Variants in TIAM2 observed in about 807,000 individuals in gnomAD.
TIAM2 encodes the protein TIAM Rac1 associated GEF 2.
TIAM2 carries 80 observed loss-of-function variants against 152.9 expected under a neutral mutation model. The observed-to-expected ratio is 0.52, with a 90% CI of 0.44 to 0.63. The LOEUF (loss-of-function observed/expected upper bound fraction) is 0.63, where lower values mean the gene tolerates loss of function less well. Among genes scored for constraint, TIAM2 ranks in the 30% least tolerant of loss-of-function variants. The probability of loss-of-function intolerance (pLI) is 0.00; values close to 1 mark genes in which losing one functional copy is unlikely to be tolerated. For missense variants in TIAM2, 1,965 were observed against 2,120.1 expected (o/e 0.93, Z 1.44); for synonymous variants, 804 against 838.0 (o/e 0.96, Z 0.70).
chr6:155,214,801 A>G lies in TIAM2; in HGVS notation c.3168+3494A>G, dbSNP rs899721474. Among the ~76,000 whole-genome samples the G allele has an allele frequency of 2.0e-5, 3 of 152,148 alleles. No homozygotes were observed. The highest frequency in any genetic ancestry group is 7.2e-5 in the African/African-American group (3 of 41,416). On this transcript the variant is annotated intron_variant, in intron 15 of 26. Transcript: ENST00000682666. This position sits in a 1 kb window ranked among gnomAD's most constrained non-coding sequence, Gnocchi z 5.4. ...GATAGCCTTGTCTTAAATTATTTTT[A>G]AATCTTATTTTAATAATACAATAGA...
chr6:155,026,606 C>G (rs1203610016), intron 1 of TIAM2, among the ~76,000 whole-genome samples: 1 of 152,224 alleles, frequency 6.6e-6, no homozygotes, highest in Non-Finnish European at 1.5e-5. Context: ...ACTGGCAGTC[C>G]TTGAGGGACT....
chr6:155,119,809 C>T (rs753292838), intron 2 of TIAM2, among the ~76,000 whole-genome samples: 1 of 152,090 alleles, frequency 6.6e-6, no homozygotes, highest in Non-Finnish European at 1.5e-5. Context: ...ACTTCACAAC[C>T]CAGTATATGG....
rs540378937 is a variant in TIAM2 at position 155,213,128 on chromosome 6, G to A, written c.3168+1821G>A. On this transcript the variant is annotated intron_variant, in intron 15 of 26. Transcript: ENST00000682666. The surrounding 1 kb of genome is among the most constrained non-coding windows in gnomAD (Gnocchi z 4.2). ...ACCTGTAATGTGGCGAGCAAGGGGC[G>A]TGTTTTGGCCCTGTTTGTGTTGTAG... Among the ~76,000 whole-genome samples the A allele has an allele frequency of 1.3e-5, 2 of 152,296 alleles. No homozygotes were observed. The highest frequency in any genetic ancestry group is 2.1e-4 in the South Asian group (1 of 4,824).
At chr6:155,121,755 A>G (rs1434681359) in intron 2 of TIAM2, among the ~76,000 whole-genome samples, 9 of 152,140 alleles carry the variant, frequency 5.9e-5, no homozygotes, top group Non-Finnish European at 2.9e-5. Flanking sequence ...GCCTGTTGGT[A>G]TCTCCTGGTA....
intron 7 of TIAM2, among the ~76,000 whole-genome samples, chr6:155,152,992 A>G (rs1274873066): frequency 6.6e-6 from 1 of 152,194 alleles, no homozygotes; most frequent in Non-Finnish European, 1.5e-5. Context: ...TTGAACATAA[A>G]CCCTTACATA....
At chr6:155,109,685 G>A (rs4870352) in intron 2 of TIAM2, among the ~76,000 whole-genome samples, 100,821 of 151,824 alleles carry the variant, frequency 0.66, 33,448 homozygotes, top group South Asian at 0.74. Context: ...GAGATAGAAC[G>A]TTAGAGCTGA....
At chr6:155,010,926 C>T (rs1297370590) in intron 1 of TIAM2, among the ~76,000 whole-genome samples, 3 of 151,980 alleles carry the variant, frequency 2.0e-5, no homozygotes, top group African/African-American at 4.8e-5. Context: ...CGCCTGTAAT[C>T]CTAGCTACTC....
intron 1 of TIAM2, among the ~76,000 whole-genome samples, chr6:155,021,207 T>C (rs1191157303): frequency 6.6e-6 from 1 of 152,176 alleles, no homozygotes; most frequent in Non-Finnish European, 1.5e-5. Flanking sequence ...CAAATATCTC[T>C]TCAAGACCCT....
chr6:155,137,132 GGATAGCCGTAAGCTCT>G, intron 4 of TIAM2, 29 bp from the exon 5 acceptor site: 5 of 1,578,766 alleles, frequency 3.2e-6, no homozygotes, highest in Non-Finnish European at 2.6e-6. Context: ...GGGATGCTTT[GGATAGCCGTAAGCTCT>G]GATGGGTGAT....
At chr6:155,040,357 A>G (rs1013763191) in intron 1 of TIAM2, among the ~76,000 whole-genome samples, 2 of 152,030 alleles carry the variant, frequency 1.3e-5, no homozygotes. Flanking sequence ...TGAAAGCACC[A>G]CTTAGTGACC....
chr6:155,100,157 G>A (rs368166209), intron 2 of TIAM2, among the ~76,000 whole-genome samples: 4 of 152,170 alleles, frequency 2.6e-5, no homozygotes, highest in Non-Finnish European at 5.9e-5. Flanking sequence ...TTTTGACTGC[G>A]TATGATCATT....
intron 7 of TIAM2, among the ~76,000 whole-genome samples, chr6:155,162,013 A>C (rs1279379081): frequency 2.0e-5 from 3 of 151,834 alleles, no homozygotes; most frequent in Non-Finnish European, 4.4e-5. Flanking sequence ...GCTGGACTGC[A>C]ATGGCGTGAT....
chr6:155,048,715 C>T (rs576282860), intron 1 of TIAM2, among the ~76,000 whole-genome samples: 1 of 152,006 alleles, frequency 6.6e-6, no homozygotes, highest in South Asian at 2.1e-4. Context: ...ATAATATTTT[C>T]ATAGTGTGGT....
intron 9 of TIAM2, among the ~76,000 whole-genome samples, chr6:155,168,164 A>C (rs1217683339): frequency 1.3e-5 from 2 of 152,170 alleles, no homozygotes; most frequent in Non-Finnish European, 2.9e-5. Context: ...TTAGAAGGTG[A>C]AATTTGGAAA....
chr6:155,115,809 C>T (rs566411057), intron 2 of TIAM2, among the ~76,000 whole-genome samples: 6 of 152,254 alleles, frequency 3.9e-5, no homozygotes, highest in Non-Finnish European at 8.8e-5. Flanking sequence ...TGGGGTATCC[C>T]GGCACACAGC....
chr6:155,026,294 T>A (rs1390759143), intron 1 of TIAM2, among the ~76,000 whole-genome samples: 1 of 152,238 alleles, frequency 6.6e-6, no homozygotes, highest in Non-Finnish European at 1.5e-5. Flanking sequence ...TCAAAATCTC[T>A]GTTGATTCCT....
At chr6:155,091,110 C>T (rs1419147515) in intron 2 of TIAM2, among the ~76,000 whole-genome samples, 1 of 152,144 alleles carries the variant, frequency 6.6e-6, no homozygotes, top group Non-Finnish European at 1.5e-5. Flanking sequence ...ATTGCCCCAG[C>T]TTTTCTTGGC....
rs553609840 is a variant in TIAM2, at chr6:155,201,725, A to G, written c.3065-9479A>G. ...CCTTTCTACTGTGAGAACATCTGCC[A>G]TGTTCCTTTATGTATTTTTTCCCAC... On this transcript the variant is annotated intron_variant, in intron 14 of 26. Coordinates refer to ENST00000682666, the MANE Select transcript of TIAM2 (RefSeq NM_012454.4). Among the ~76,000 whole-genome samples, 181 of 152,334 alleles carry G rather than the reference A, an allele frequency of 1.2e-3. 1 individual carries two copies. Among genetic ancestry groups the G allele is most frequent in the African/African-American group, 4.2e-3 (176 of 41,576 alleles).
chr6:155,053,035 G>A (rs1478500622), intron 1 of TIAM2, among the ~76,000 whole-genome samples: 2 of 152,088 alleles, frequency 1.3e-5, no homozygotes, highest in African/African-American at 4.8e-5. Context: ...GCAACGTGCA[G>A]GGTATATCCT....
Sources: gnomAD v4.1 joint callset for allele counts (sites outside exome capture counted in the v4.1 genomes callset) on GRCh38, gnomAD v4.1.1 for gene constraint, Gnocchi (gnomAD v3.1) non-coding constraint, MANE v1.5 for transcripts, NCBI Gene and HGNC (gene_info 2026-07-23, HGNC 2026-07-21) for gene names.